CAMK1D: variants seen among roughly 807,000 people sequenced by gnomAD.
CAMK1D encodes the protein calcium/calmodulin dependent protein kinase ID, also known as calcium/calmodulin-dependent protein kinase type 1D.
A neutral mutation model predicts 47.7 loss-of-function variants in CAMK1D; 9 were observed. The observed-to-expected ratio is 0.19, with a 90% CI of 0.11 to 0.33. The LOEUF (loss-of-function observed/expected upper bound fraction) is 0.33, where lower values mean the gene tolerates loss of function less well. CAMK1D is among the 10% of genes least tolerant of loss of function. The probability of loss-of-function intolerance (pLI) is 1.00; values close to 1 mark genes in which losing one functional copy is unlikely to be tolerated. For missense variants in CAMK1D, 291 were observed against 488.7 expected (o/e 0.60, Z 3.81); for synonymous variants, 184 against 184.9 (o/e 0.99, Z 0.04).
At chr10:12,623,002 C>T (rs2132442965) in intron 2 of CAMK1D, among the ~76,000 whole-genome samples, 1 of 151,198 alleles carries the variant, frequency 6.6e-6, no homozygotes, top group East Asian at 2.0e-4. Context: ...ATCGTCCGTC[C>T]CGTCATCTCA....
chr10:12,809,666 A>G (rs915799512), intron 6 of CAMK1D, among the ~76,000 whole-genome samples: 1 of 152,248 alleles, frequency 6.6e-6, no homozygotes, highest in Admixed American at 6.5e-5. Flanking sequence ...TCCCACTTAT[A>G]CAAAGTATCT....
intron 3 of CAMK1D, among the ~76,000 whole-genome samples, chr10:12,679,050 C>T (rs542519035): frequency 3.4e-4 from 52 of 152,278 alleles, no homozygotes; most frequent in African/African-American, 9.6e-4. Flanking sequence ...TGTGAGCCAC[C>T]GCACCCGGTC....
Position 12,828,758 on chromosome 10 carries a change from G to T in CAMK1D, c.1040-11G>T. 6.2e-7 allele frequency: 1 copy of T among 1,607,794 alleles called. No homozygotes were observed. The highest frequency in any genetic ancestry group is 8.5e-7 in the Non-Finnish European group (1 of 1,174,920). On this transcript the variant is annotated splice_polypyrimidine_tract_variant and intron_variant, in intron 10 of 10. Coordinates refer to ENST00000619168, the MANE Select transcript of CAMK1D (RefSeq NM_153498.4). ...TGAAACTCTGAAGCCCACTTCTGCT[G>T]TTCCCTGCAGGTCTGGCACCTTCCA...
At chr10:12,697,349 G>C (rs1833336930) in intron 3 of CAMK1D, among the ~76,000 whole-genome samples, 1 of 152,174 alleles carries the variant, frequency 6.6e-6, no homozygotes, top group Non-Finnish European at 1.5e-5. Context: ...TGGAGAATAG[G>C]AGACTAGATT....
At position 12,411,386 on chromosome 10, in the gene CAMK1D, T is replaced by C. The variant is rs190063484; in HGVS notation, c.92+61476T>C. ...CCAGCAGAAGCAGCTCCCTGATCAC[T>C]GTGCAGGTTCCTGTGGCCGAGATGG... On this transcript the variant is annotated intron_variant, in intron 1 of 10. Coordinates refer to ENST00000619168, the MANE Select transcript of CAMK1D (RefSeq NM_153498.4). 2.8e-3 allele frequency among the ~76,000 whole-genome samples: 419 copies of C among 152,278 alleles called. 8 individuals carry two copies. Among genetic ancestry groups the C allele is most frequent in the Admixed American group, 0.024 (369 of 15,292 alleles).
intron 1 of CAMK1D, among the ~76,000 whole-genome samples, chr10:12,396,283 C>A (rs1202348552): frequency 6.6e-6 from 1 of 152,192 alleles, no homozygotes; most frequent in Non-Finnish European, 1.5e-5. Context: ...CTGCTGGTGT[C>A]CTGTCTTCTT....
chr10:12,683,741 G>GGTGT (rs10554443), intron 3 of CAMK1D, among the ~76,000 whole-genome samples: 6,022 of 144,876 alleles, frequency 0.042, 169 homozygotes, highest in African/African-American at 0.08. Flanking sequence ...TAGGAATCCA[G>GGTGT]GTGTGTGTGT....
intron 2 of CAMK1D, among the ~76,000 whole-genome samples, chr10:12,624,473 A>T (rs1455936582): frequency 6.6e-6 from 1 of 152,128 alleles, no homozygotes; most frequent in African/African-American, 2.4e-5. Flanking sequence ...TATCTTAGAT[A>T]CCCTGCGTAA....
Position 12,824,566 on chromosome 10 carries a change from A to G in CAMK1D, c.921+14A>G, listed in dbSNP as rs1191588825. The G allele has an allele frequency of 5.6e-6, 9 of 1,606,538 alleles. No individual in the cohort carries two copies. The highest frequency in any genetic ancestry group is 1.7e-5 in the Admixed American group (1 of 59,934). ...AGCAAATGGAGAGTAAGTGTGGAGT[A>G]TATGAAATTCCCCGTGGATTAACCC... On this transcript the variant is annotated intron_variant, in intron 9 of 10. Transcript: ENST00000619168.
rs771919287 is a variant in CAMK1D at position 12,666,759 on chromosome 10, C to T, written c.248C>T (p.Ala83Val). ...LRKIKHENIV[A>V]LEDIYESPNH... is the part of the protein sequence containing the mutation. The stretch of plus-strand genomic sequence containing the variant: ...AGGATTAAGCATGAAAATATTGTTG[C>T]CCTGGAAGACATTTATGAAAGCCCA... Residue 83 changes from alanine (A) to valine (V), a missense_variant, in exon 3 of 11, where the codon GCC becomes GTC. Ala to Val is a moderately conservative substitution (Grantham distance 64). Coordinates refer to ENST00000619168, the MANE Select transcript of CAMK1D (RefSeq NM_153498.4). 6.2e-7 allele frequency: 1 copy of T among 1,613,460 alleles called. No individual in the cohort carries two copies. The highest frequency in any genetic ancestry group is 1.7e-5 in the Admixed American group (1 of 59,992).
intron 3 of CAMK1D, among the ~76,000 whole-genome samples, chr10:12,757,974 C>G (rs1279709062): frequency 6.6e-6 from 1 of 151,710 alleles, no homozygotes; most frequent in Non-Finnish European, 1.5e-5. Flanking sequence ...GCTTCAGCCT[C>G]CCAAGTAGCT....
chr10:12,649,718 A>G (rs548338496), intron 2 of CAMK1D, among the ~76,000 whole-genome samples: 83 of 152,338 alleles, frequency 5.4e-4, no homozygotes, highest in African/African-American at 2.0e-3. Context: ...GACATGTTGC[A>G]GGATACGTTT....
chr10:12,651,643 C>A (rs1484912372), intron 2 of CAMK1D, among the ~76,000 whole-genome samples: 3 of 152,078 alleles, frequency 2.0e-5, no homozygotes, highest in Non-Finnish European at 4.4e-5. Flanking sequence ...TTCAAGTGAT[C>A]CTCCCGCCTT....
At chr10:12,725,381 T>G (rs1834576728) in intron 3 of CAMK1D, 1 of 155,898 alleles carries the variant, frequency 6.4e-6, no homozygotes, top group South Asian at 2.0e-4. Flanking sequence ...TATTTGTAGC[T>G]TCTTTCCATT....
At chr10:12,349,957 G>A in intron 1 of CAMK1D, 47 bp downstream of exon 1, 2 of 1,161,790 alleles carry the variant, frequency 1.7e-6, no homozygotes, top group South Asian at 1.4e-5. Flanking sequence ...CGCGGCAGGG[G>A]CTGCACGGGC....
chr10:12,819,901 A>G (rs1389379264), intron 8 of CAMK1D, among the ~76,000 whole-genome samples: 1 of 152,144 alleles, frequency 6.6e-6, no homozygotes, highest in African/African-American at 2.4e-5. Flanking sequence ...CGGAGAAGCC[A>G]TGGGCATTGG....
chr10:12,632,716 A>G (rs186165653), intron 2 of CAMK1D, among the ~76,000 whole-genome samples: 3 of 151,876 alleles, frequency 2.0e-5, no homozygotes, highest in Non-Finnish European at 4.4e-5. Context: ...TTCTTTTTTT[A>G]GACAGTCTCA....
chr10:12,758,668 T>C (rs1044123232), intron 3 of CAMK1D, among the ~76,000 whole-genome samples: 2 of 152,194 alleles, frequency 1.3e-5, no homozygotes, highest in African/African-American at 4.8e-5. Flanking sequence ...CCATACCTTA[T>C]ATATCACATA....
intron 3 of CAMK1D, among the ~76,000 whole-genome samples, chr10:12,751,720 C>T (rs779973195): frequency 6.6e-6 from 1 of 152,164 alleles, no homozygotes; most frequent in Non-Finnish European, 1.5e-5. Context: ...AGGACCTAAG[C>T]GATGAGTACG....
Sources: allele counts gnomAD v4.1 joint callset (sites outside exome capture counted in the v4.1 genomes callset), GRCh38; gene constraint gnomAD v4.1.1; transcripts MANE v1.5; gene names NCBI Gene and HGNC (gene_info 2026-07-23, HGNC 2026-07-21).